The following HGSNAT variants were observed in gnomAD, a reference collection of about 807,000 sequenced individuals.
The protein encoded by HGSNAT is heparan-alpha-glucosaminide N-acetyltransferase.
Under a neutral mutation model 85.2 loss-of-function variants are expected in HGSNAT, and 59 were observed. That is an observed-to-expected ratio of 0.69 (90% CI 0.56 to 0.86). The LOEUF is 0.86. HGSNAT is among the 40% of genes least tolerant of loss of function. The pLI, the probability that HGSNAT is intolerant of heterozygous loss-of-function variation, is 0.00. For synonymous variants in HGSNAT, 321 were observed against 304.5 expected, an observed-to-expected ratio of 1.05 and a Z score of -0.56; for missense variants, 756 against 777.1, an observed-to-expected ratio of 0.97 and a Z score of 0.32.
intron 2 of HGSNAT, among the ~76,000 whole-genome samples, chr8:43,150,001 G>T (rs1802849402): frequency 6.6e-6 from 1 of 152,002 alleles, no homozygotes; most frequent in South Asian, 2.1e-4. Context: ...CTGTCGCCCA[G>T]GCTGGAGTGC....
chr8:43,165,802 G>A (rs1048753769), intron 5 of HGSNAT, among the ~76,000 whole-genome samples: 3 of 152,162 alleles, frequency 2.0e-5, no homozygotes, highest in Non-Finnish European at 2.9e-5. Flanking sequence ...TGGGCATGGT[G>A]TTGCATGCCT....
chr8:43,191,294 T>C (rs1804517974), intron 11 of HGSNAT, among the ~76,000 whole-genome samples, 180 bp from the exon 12 acceptor site: 1 of 152,184 alleles, frequency 6.6e-6, no homozygotes, highest in Admixed American at 6.5e-5. Flanking sequence ...TGAATGGGTG[T>C]TTTGCTGTGA....
chr8:43,182,318 T>G (rs1197046961), intron 11 of HGSNAT, 58 bp downstream of exon 11: 1 of 1,308,444 alleles, frequency 7.6e-7, no homozygotes. Flanking sequence ...AAATGTATTG[T>G]GTGGTGATAC....
chr8:43,191,642 C>G, intron 12 of HGSNAT, 47 bp downstream of exon 12: 1 of 1,593,580 alleles, frequency 6.3e-7, no homozygotes, highest in South Asian at 1.1e-5. Context: ...CCTGTTCTGC[C>G]CAGTCAGAGG....
At chr8:43,178,353 G>T in intron 10 of HGSNAT, 119 bp downstream of exon 10, 1 of 701,954 alleles carries the variant, frequency 1.4e-6, no homozygotes, top group Non-Finnish European at 2.3e-6. Flanking sequence ...TAATCATTAG[G>T]AAAGTATATA....
chr8:43,171,796 T>C (rs749680297), intron 7 of HGSNAT, among the ~76,000 whole-genome samples: 3 of 152,246 alleles, frequency 2.0e-5, no homozygotes, highest in Non-Finnish European at 2.9e-5. Context: ...TGCTGTAAAA[T>C]ACATCATTCT....
At chr8:43,144,430 G>A (rs1802651884) in intron 1 of HGSNAT, among the ~76,000 whole-genome samples, 2 of 152,028 alleles carry the variant, frequency 1.3e-5, no homozygotes, top group African/African-American at 2.4e-5. Context: ...ATGTCTATGT[G>A]TTGAGCACTT....
intron 11 of HGSNAT, among the ~76,000 whole-genome samples, chr8:43,188,593 T>C (rs1330156023): frequency 6.6e-6 from 1 of 152,204 alleles, no homozygotes. Context: ...TCAAACATCC[T>C]CCTTTAGCTC....
At chr8:43,168,721 T>C (rs1297321084) in intron 5 of HGSNAT, among the ~76,000 whole-genome samples, 5 of 152,188 alleles carry the variant, frequency 3.3e-5, no homozygotes, top group Non-Finnish European at 7.3e-5. Flanking sequence ...TTCATCTTAA[T>C]GTTTCTTTGT....
At chr8:43,146,625 CGAT>C (rs1802721138) in intron 1 of HGSNAT, among the ~76,000 whole-genome samples, 1 of 152,108 alleles carries the variant, frequency 6.6e-6, no homozygotes, top group Non-Finnish European at 1.5e-5. Flanking sequence ...TCTTAGCACT[CGAT>C]GAATATAAGT....
At chr8:43,198,048 C>T (rs1487956086) in intron 17 of HGSNAT, 96 bp downstream of exon 17, 4 of 843,614 alleles carry the variant, frequency 4.7e-6, no homozygotes, top group African/African-American at 3.4e-5. Flanking sequence ...TCTTGAGCCA[C>T]TGCCCTAGCG....
rs368306638 is a variant in HGSNAT, at chr8:43,166,831, G to A, written c.564-2342G>A. On this transcript the variant is annotated intron_variant, in intron 5 of 17. Coordinates refer to ENST00000379644, the MANE Select transcript of HGSNAT (RefSeq NM_152419.3). The stretch of plus-strand genomic sequence containing the variant: ...GATTTCTCCAATGAATCTGGGCAAA[G>A]TCCATTGAAAACCTTCTGGAAAGGA... Among the ~76,000 whole-genome samples, 227 of 152,328 alleles carry A rather than the reference G, an allele frequency of 1.5e-3. 1 individual carries two copies. The highest frequency in any genetic ancestry group is 4.6e-3 in the South Asian group (22 of 4,824).
At chr8:43,154,098 A>G (rs559173866) in intron 2 of HGSNAT, among the ~76,000 whole-genome samples, 1 of 152,194 alleles carries the variant, frequency 6.6e-6, no homozygotes, top group Non-Finnish European at 1.5e-5. Flanking sequence ...TTATTGTAGA[A>G]TCCAGGCCAG....
At chr8:43,183,922 G>C (rs1804219906) in intron 11 of HGSNAT, among the ~76,000 whole-genome samples, 1 of 152,142 alleles carries the variant, frequency 6.6e-6, no homozygotes, top group Admixed American at 6.5e-5. Context: ...TGCTGAGAAT[G>C]ATGGTTTCCA....
chr8:43,197,267 A>G, intron 15 of HGSNAT: 1 of 572,348 alleles, frequency 1.7e-6, no homozygotes, highest in Non-Finnish European at 3.1e-6. Context: ...GAATGCCTGA[A>G]GAAATGTGAG....
intron 11 of HGSNAT, among the ~76,000 whole-genome samples, chr8:43,186,918 G>A (rs1401558237): frequency 6.6e-6 from 1 of 152,218 alleles, no homozygotes; most frequent in Non-Finnish European, 1.5e-5. Flanking sequence ...TCATTCAGGA[G>A]TGGGTTGTTC....
At chr8:43,187,191 TA>T (rs1348833575) in intron 11 of HGSNAT, among the ~76,000 whole-genome samples, 1 of 152,218 alleles carries the variant, frequency 6.6e-6, no homozygotes, top group Admixed American at 6.5e-5. Context: ...AATTCCTGGA[TA>T]TCCTTGTTAA....
chr8:43,163,117 G>C (rs1302998374), intron 5 of HGSNAT, among the ~76,000 whole-genome samples: 1 of 152,088 alleles, frequency 6.6e-6, no homozygotes, highest in Admixed American at 6.5e-5. Context: ...GTTGCAGTGA[G>C]GTGGGAGGGA....
intron 2 of HGSNAT, among the ~76,000 whole-genome samples, chr8:43,152,706 CT>C (rs577016579): frequency 1.1e-3 from 162 of 152,214 alleles, no homozygotes; most frequent in African/African-American, 2.9e-3. Flanking sequence ...ATTCTCCTGC[CT>C]CGGCCTCCCA....
Sources: allele counts gnomAD v4.1 joint callset (sites outside exome capture counted in the v4.1 genomes callset), GRCh38; gene constraint gnomAD v4.1.1; transcripts MANE v1.5; gene names NCBI Gene and HGNC (gene_info 2026-07-23, HGNC 2026-07-21).